Variants in GLMN observed in about 807,000 individuals in gnomAD.
GLMN encodes glomulin.
GLMN carries 75 observed loss-of-function variants against 87.8 expected under a neutral mutation model. The ratio of observed to expected loss-of-function variants is 0.85; its 90% CI spans 0.71 to 1.04. GLMN has a LOEUF of 1.04. Among genes scored for constraint, GLMN ranks in the 50% least tolerant of loss-of-function variants. GLMN has a pLI of 0.00. For synonymous variants in GLMN, 206 were observed against 221.6 expected, an observed-to-expected ratio of 0.93 and a Z score of 0.63; for missense variants, 588 against 658.8, an observed-to-expected ratio of 0.89 and a Z score of 1.18.
At chr1:92,302,379 C>T (rs36114101), upstream of GLMN, among the ~76,000 whole-genome samples, 1 of 150,300 alleles carries the variant, frequency 6.7e-6, no homozygotes, top group South Asian at 2.1e-4. Flanking sequence ...AGTCATAGTT[C>T]TTTTAACCAG....
the GLMN span, among the ~76,000 whole-genome samples, chr1:92,321,686 T>G: frequency 6.6e-6 from 1 of 152,076 alleles, no homozygotes; most frequent in Admixed American, 6.6e-5. Context: ...CAGGGAAAAC[T>G]TTTGTCTTTT....
chr1:92,268,623 C>A (rs763837384), intron 9 of GLMN, among the ~76,000 whole-genome samples: 1 of 152,268 alleles, frequency 6.6e-6, no homozygotes, highest in Non-Finnish European at 1.5e-5. Context: ...ATACATAATA[C>A]AGCAAATTTA....
At chr1:92,259,732 CTT>C (rs58390058) in intron 16 of GLMN, among the ~76,000 whole-genome samples, 4 of 108,184 alleles carry the variant, frequency 3.7e-5, no homozygotes, top group East Asian at 2.9e-4. Context: ...TTTTTTCTTT[CTT>C]TTTTTTTTTT....
chr1:92,304,562 A>G, the GLMN span, among the ~76,000 whole-genome samples: 2 of 152,332 alleles, frequency 1.3e-5, no homozygotes, highest in South Asian at 2.1e-4. Flanking sequence ...TTAAGCTTCA[A>G]TTAAGACTTG....
intron 9 of GLMN, among the ~76,000 whole-genome samples, 163 bp downstream of exon 9, chr1:92,269,557 CCTT>C (rs1257479176): frequency 5.3e-5 from 8 of 152,152 alleles, no homozygotes; most frequent in African/African-American, 1.9e-4. Flanking sequence ...TGTAAAACCT[CCTT>C]GACTCATTTC....
At chr1:92,330,962 C>T in the GLMN span, among the ~76,000 whole-genome samples, 1 of 152,126 alleles carries the variant, frequency 6.6e-6, no homozygotes, top group African/African-American at 2.4e-5. Context: ...AGAAGATGAG[C>T]ATGCACATTA....
chr1:92,293,472 AT>A (rs1156392000), intron 3 of GLMN, among the ~76,000 whole-genome samples: 1 of 152,056 alleles, frequency 6.6e-6, no homozygotes, highest in Non-Finnish European at 1.5e-5. Flanking sequence ...CTCCCGGCTA[AT>A]TTTTTGTATT....
chr1:92,336,656 A>G, the GLMN span, among the ~76,000 whole-genome samples: 1 of 152,288 alleles, frequency 6.6e-6, no homozygotes, highest in East Asian at 1.9e-4. Flanking sequence ...TTATTTACGG[A>G]ATAGCCTAAA....
At chr1:92,362,201 G>A in the GLMN span, among the ~76,000 whole-genome samples, 2 of 152,134 alleles carry the variant, frequency 1.3e-5, no homozygotes, top group Admixed American at 6.6e-5. Flanking sequence ...CCTGATCACC[G>A]AGTGTGTTTT....
upstream of GLMN, chr1:92,301,340 T>C (rs577795023): frequency 1.4e-5 from 5 of 364,784 alleles, no homozygotes; most frequent in East Asian, 2.5e-4. Flanking sequence ...GAAATAAATA[T>C]TTTTATTCAA....
intron 13 of GLMN, 35 bp downstream of exon 13, chr1:92,266,384 C>T: frequency 2.8e-6 from 3 of 1,081,376 alleles, no homozygotes; most frequent in Non-Finnish European, 1.4e-6. Context: ...TTTAATCAAC[C>T]ACACACTTAG....
At chr1:92,293,968 G>T (rs1360643599) in intron 3 of GLMN, among the ~76,000 whole-genome samples, 1 of 151,542 alleles carries the variant, frequency 6.6e-6, no homozygotes, top group African/African-American at 2.4e-5. Flanking sequence ...AATGGTAGTG[G>T]GAGGCAGGGA....
intron 16 of GLMN, among the ~76,000 whole-genome samples, chr1:92,261,513 T>C (rs955524759): frequency 5.3e-5 from 8 of 152,086 alleles, no homozygotes; most frequent in East Asian, 1.9e-4. Context: ...TTGGGCAGAA[T>C]AGTGGTTGTC....
the GLMN span, among the ~76,000 whole-genome samples, chr1:92,359,317 ATATT>A: frequency 6.6e-6 from 1 of 152,086 alleles, no homozygotes; most frequent in Non-Finnish European, 1.5e-5. Context: ...TTTTTATTTT[ATATT>A]TATTTATTTA....
At chr1:92,285,627 A>C (rs1276488798) in intron 7 of GLMN, among the ~76,000 whole-genome samples, 2 of 151,994 alleles carry the variant, frequency 1.3e-5, no homozygotes, top group African/African-American at 4.8e-5. Flanking sequence ...AAAAGAAATC[A>C]CCTTACATAC....
chr1:92,286,175 A>G (rs1401474458), intron 7 of GLMN, among the ~76,000 whole-genome samples: 2 of 151,590 alleles, frequency 1.3e-5, no homozygotes, highest in African/African-American at 4.8e-5. Flanking sequence ...TATTAAGCCA[A>G]TGGAAAAATA....
the GLMN span, among the ~76,000 whole-genome samples, chr1:92,313,129 A>G: frequency 6.6e-6 from 1 of 152,202 alleles, no homozygotes; most frequent in African/African-American, 2.4e-5. Context: ...GGCTTCCCAA[A>G]GTGTTGGGAT....
At chr1:92,326,676 G>C in the GLMN span, among the ~76,000 whole-genome samples, 1 of 152,168 alleles carries the variant, frequency 6.6e-6, no homozygotes, top group Non-Finnish European at 1.5e-5. Context: ...GGTCAGTGGA[G>C]CTATTCCAGG....
chr1:92,346,756 C>T, the GLMN span, among the ~76,000 whole-genome samples: 1 of 152,052 alleles, frequency 6.6e-6, no homozygotes, highest in Non-Finnish European at 1.5e-5. Context: ...TTTAAGAAAC[C>T]ACTAGTGGTT....
Sources: gnomAD v4.1 joint callset for allele counts (sites outside exome capture counted in the v4.1 genomes callset) on GRCh38, gnomAD v4.1.1 for gene constraint, MANE v1.5 for transcripts, NCBI Gene and HGNC (gene_info 2026-07-23, HGNC 2026-07-21) for gene names.